NEGR1: variants seen among roughly 807,000 people sequenced by gnomAD.
The protein encoded by NEGR1 is neuronal growth regulator 1, also known as IgLON family member 4.
In NEGR1, 10 loss-of-function variants were observed where a neutral mutation model predicts 40.9. That is an observed-to-expected ratio of 0.24 (90% confidence interval 0.15 to 0.42). The LOEUF (loss-of-function observed/expected upper bound fraction) is 0.42. NEGR1 is among the 10% of genes least tolerant of loss of function. The pLI is 1.00. For synonymous variants in NEGR1, 185 were observed against 166.8 expected (o/e 1.11, Z -0.84); for missense variants, 352 against 438.9 (o/e 0.80, Z 1.77).
Position 71,967,870 on chromosome 1 carries a change from T to C in NEGR1, c.177-32559A>G, listed in dbSNP as rs570887033. Among the ~76,000 whole-genome samples the C allele has an allele frequency of 4.6e-5, 7 of 152,284 alleles. No individual in the cohort carries two copies. In the South Asian group the frequency reaches 1.4e-3, roughly 32 times the overall value. On this transcript the variant is annotated intron_variant, in intron 1 of 6. Transcript: ENST00000357731. ...AGTGGTTGCACAGACTTATGAGCAG[T>C]GCCAATATGCAGTATTCTCTATATG...
chr1:71,734,803 G>A (rs1237210986), intron 3 of NEGR1, among the ~76,000 whole-genome samples: 5 of 152,082 alleles, frequency 3.3e-5, no homozygotes, highest in East Asian at 3.9e-4. Flanking sequence ...GCAGTGGGCC[G>A]AGTCATTGTC....
chr1:71,560,429 T>TATATATATATATATA (rs1648410237), intron 6 of NEGR1, among the ~76,000 whole-genome samples: 1 of 114,290 alleles, frequency 8.7e-6, no homozygotes, highest in Non-Finnish European at 1.8e-5. Flanking sequence ...TAATTCTCCA[T>TATATATATATATATA]TATATATATA....
intron 2 of NEGR1, among the ~76,000 whole-genome samples, chr1:71,861,396 G>C (rs1019832994): frequency 1.7e-4 from 26 of 151,976 alleles, no homozygotes; most frequent in Admixed American, 1.6e-3. Context: ...TTTTTCCCTA[G>C]GGGTAGTTTT....
intron 3 of NEGR1, among the ~76,000 whole-genome samples, chr1:71,728,953 A>C (rs1423809200): frequency 6.6e-6 from 1 of 152,154 alleles, no homozygotes; most frequent in Non-Finnish European, 1.5e-5. Context: ...GTGACAGTGC[A>C]TACCTACCAT....
intron 6 of NEGR1, among the ~76,000 whole-genome samples, chr1:71,515,726 A>T (rs1557552254): frequency 7.2e-6 from 1 of 138,402 alleles, no homozygotes; most frequent in East Asian, 2.0e-4. Flanking sequence ...ACATAACAAT[A>T]TTAACTTTAA....
chr1:71,836,612 C>T (rs563745937), intron 2 of NEGR1, among the ~76,000 whole-genome samples: 1 of 151,526 alleles, frequency 6.6e-6, no homozygotes, highest in Non-Finnish European at 1.5e-5. Flanking sequence ...AATTGGGACT[C>T]CGGCGATTTC....
intron 1 of NEGR1, among the ~76,000 whole-genome samples, chr1:72,251,337 G>A (rs757056859): frequency 2.0e-5 from 3 of 151,864 alleles, no homozygotes; most frequent in East Asian, 1.9e-4. Flanking sequence ...TTTTTCCAAC[G>A]AATCATATCC....
chr1:72,039,157 T>C (rs568161044), intron 1 of NEGR1, among the ~76,000 whole-genome samples: 18 of 152,052 alleles, frequency 1.2e-4, no homozygotes, highest in Admixed American at 8.5e-4. Context: ...CAGCAGATTA[T>C]GCAATGTAAT....
chr1:72,091,969 C>T (rs1387416246), intron 1 of NEGR1, among the ~76,000 whole-genome samples: 1 of 152,094 alleles, frequency 6.6e-6, no homozygotes, highest in Non-Finnish European at 1.5e-5. Flanking sequence ...CTTTTGACCT[C>T]ACTTAACATT....
chr1:71,811,024 C>G (rs72678967), intron 2 of NEGR1, among the ~76,000 whole-genome samples: 98 of 152,232 alleles, frequency 6.4e-4, no homozygotes, highest in Non-Finnish European at 1.1e-3. Context: ...GAAAATTTGT[C>G]TTGACATTCT....
intron 6 of NEGR1, among the ~76,000 whole-genome samples, chr1:71,478,813 GT>G (rs78791696): frequency 0.21 from 31,647 of 151,762 alleles, 3,881 homozygotes; most frequent in East Asian, 0.48. Flanking sequence ...GAGTTTTGGT[GT>G]GTTAGTAGTG....
chr1:71,917,801 A>C (rs1218443649), intron 2 of NEGR1, among the ~76,000 whole-genome samples: 2 of 150,068 alleles, frequency 1.3e-5, no homozygotes, highest in Non-Finnish European at 3.0e-5. Context: ...AAAAAAAAGT[A>C]AGTCATATAT....
chr1:71,488,539 C>T (rs1414132224), intron 6 of NEGR1, among the ~76,000 whole-genome samples: 2 of 151,704 alleles, frequency 1.3e-5, no homozygotes, highest in Non-Finnish European at 2.9e-5. Context: ...GTTATCATTC[C>T]ATTTCCCAGA....
chr1:71,611,117 C>T lies in NEGR1; in HGVS notation c.697G>A (p.Gly233Ser). Residue 233 changes from glycine (G) to serine (S), a missense_variant, in exon 5 of 7, where the codon GGC becomes AGC. Gly to Ser is a moderately conservative substitution (Grantham distance 56). Around this residue, in one of 5 missense-constraint regions of NEGR1, gnomAD observed 184 missense variants for 208.7 expected, o/e 0.88. Transcript: ENST00000357731. ...CCACTGCGTCCGGGGGTCACGGTGC[C>T]AGATTTAATTTCCTGAATAGTAGGA... ...FAPTIQEIKS[G>S]TVTPGRSGLI... is the part of the protein sequence containing the mutation. 1 of 1,613,876 alleles carries T rather than the reference C, an allele frequency of 6.2e-7. No individual in the cohort carries two copies. Among genetic ancestry groups the T allele is most frequent in the Non-Finnish European group, 8.5e-7 (1 of 1,179,906 alleles).
intron 1 of NEGR1, among the ~76,000 whole-genome samples, chr1:72,177,098 T>A (rs1478252330): frequency 1.3e-5 from 2 of 152,124 alleles, no homozygotes; most frequent in Non-Finnish European, 2.9e-5. Context: ...TGTGGACCTA[T>A]TATTTGTCAG....
At chr1:71,552,516 A>G (rs1648120031) in intron 6 of NEGR1, among the ~76,000 whole-genome samples, 1 of 147,896 alleles carries the variant, frequency 6.8e-6, no homozygotes, top group Admixed American at 6.8e-5. Context: ...ATATATATAG[A>G]GAATATATAG....
At chr1:72,148,989 T>C (rs902813123) in intron 1 of NEGR1, among the ~76,000 whole-genome samples, 2 of 152,162 alleles carry the variant, frequency 1.3e-5, no homozygotes, top group African/African-American at 4.8e-5. Flanking sequence ...TTCAGTTATC[T>C]TTTCAGCAAC....
At chr1:71,549,299 A>T (rs937738032) in intron 6 of NEGR1, among the ~76,000 whole-genome samples, 1 of 151,748 alleles carries the variant, frequency 6.6e-6, no homozygotes, top group Non-Finnish European at 1.5e-5. Flanking sequence ...TATCCCTGTG[A>T]GACTAGATTA....
chr1:71,871,218 G>T (rs1405048569), intron 2 of NEGR1, among the ~76,000 whole-genome samples: 1 of 152,154 alleles, frequency 6.6e-6, no homozygotes, highest in Non-Finnish European at 1.5e-5. Context: ...TACTAATGCA[G>T]GTGACATATT....
Sources: allele counts gnomAD v4.1 joint callset (sites outside exome capture counted in the v4.1 genomes callset), GRCh38; gene constraint gnomAD v4.1.1; regional missense constraint gnomAD v4.1.1; transcripts MANE v1.5; gene names NCBI Gene and HGNC (gene_info 2026-07-23, HGNC 2026-07-21).